Variants in ADGRB3 observed in about 807,000 individuals in gnomAD.
The protein encoded by ADGRB3 is brain-specific angiogenesis inhibitor 3.
Under a neutral mutation model 193.4 loss-of-function variants are expected in ADGRB3, and 37 were observed. That is an observed-to-expected ratio of 0.19 (90% CI 0.15 to 0.25). The LOEUF is 0.25. Ranked by LOEUF, ADGRB3 falls within the 10% of genes least tolerant of loss-of-function variation. The pLI is 1.00. For missense variants in ADGRB3, 1,637 were observed against 1,852.9 expected (o/e 0.88, Z 2.14); for synonymous variants, 690 against 644.2 (o/e 1.07, Z -1.08).
At chr6:69,090,307 G>A (rs748746356) in intron 17 of ADGRB3, among the ~76,000 whole-genome samples, 5 of 152,126 alleles carry the variant, frequency 3.3e-5, no homozygotes, top group Non-Finnish European at 7.4e-5. Flanking sequence ...AGCCTGTTTG[G>A]AAACTTGGCT....
chr6:69,078,523 A>C (rs1391861390), intron 17 of ADGRB3, among the ~76,000 whole-genome samples: 2 of 152,040 alleles, frequency 1.3e-5, no homozygotes, highest in African/African-American at 4.8e-5. Flanking sequence ...ATCTTGGAAA[A>C]TTTATTTTAC....
chr6:68,824,124 C>G (rs1051933219), intron 3 of ADGRB3, among the ~76,000 whole-genome samples: 1 of 152,028 alleles, frequency 6.6e-6, no homozygotes, highest in Non-Finnish European at 1.5e-5. Flanking sequence ...TCTATTTTCA[C>G]TTTGAATATG....
intron 3 of ADGRB3, among the ~76,000 whole-genome samples, chr6:68,706,851 C>T (rs1582136890): frequency 6.6e-6 from 1 of 152,092 alleles, no homozygotes; most frequent in African/African-American, 2.4e-5. Flanking sequence ...GTGGCTCACG[C>T]CTATAATCCC....
chr6:68,781,905 G>A (rs1766861008), intron 3 of ADGRB3, among the ~76,000 whole-genome samples: 1 of 152,048 alleles, frequency 6.6e-6, no homozygotes, highest in African/African-American at 2.4e-5. Flanking sequence ...GCGAAAGAAG[G>A]GAAGTGTAGG....
At chr6:68,991,658 C>A (rs1769241966) in intron 10 of ADGRB3, among the ~76,000 whole-genome samples, 1 of 151,738 alleles carries the variant, frequency 6.6e-6, no homozygotes, top group Non-Finnish European at 1.5e-5. Flanking sequence ...GCCACTAGAG[C>A]ACAGCAAATG....
Position 69,160,359 on chromosome 6 carries a change from C to G in ADGRB3, c.2481-72931C>G, listed in dbSNP as rs145110438. Among the ~76,000 whole-genome samples, 77 of 152,164 alleles carry G rather than the reference C, an allele frequency of 5.1e-4. 1 individual carries two copies. Among genetic ancestry groups the G allele is most frequent in the African/African-American group, 1.8e-3 (74 of 41,538 alleles). Reference sequence around the variant, plus strand: ...TACCCCTTCACTCACTCAACTCAAGCCACACATGTCTCTTGGATATTCCTC... The same window carrying G: ...TACCCCTTCACTCACTCAACTCAAGGCACACATGTCTCTTGGATATTCCTC... On this transcript the variant is annotated intron_variant, in intron 17 of 31. Transcript: ENST00000370598.
intron 17 of ADGRB3, among the ~76,000 whole-genome samples, chr6:69,128,812 T>C (rs1773923646): frequency 6.6e-6 from 1 of 152,130 alleles, no homozygotes; most frequent in African/African-American, 2.4e-5. Flanking sequence ...TAACTATAAT[T>C]CCCATGTTCC....
intron 27 of ADGRB3, among the ~76,000 whole-genome samples, chr6:69,354,581 C>T (rs1048955403): frequency 6.6e-6 from 1 of 152,068 alleles, no homozygotes; most frequent in Non-Finnish European, 1.5e-5. Context: ...TTCCTCCTTG[C>T]GTAGAATTAG....
intron 3 of ADGRB3, among the ~76,000 whole-genome samples, chr6:68,719,804 A>G (rs2127323180): frequency 6.6e-6 from 1 of 151,776 alleles, no homozygotes; most frequent in South Asian, 2.1e-4. Context: ...TGATACCAAG[A>G]TAAAGTGAAA....
chr6:68,690,240 A>G (rs1210231701), intron 3 of ADGRB3, among the ~76,000 whole-genome samples: 1 of 152,102 alleles, frequency 6.6e-6, no homozygotes, highest in East Asian at 1.9e-4. Context: ...TGCTGAGAAC[A>G]ATTTATAGGA....
chr6:69,120,188 C>T (rs1049848997), intron 17 of ADGRB3, among the ~76,000 whole-genome samples: 4 of 152,274 alleles, frequency 2.6e-5, no homozygotes, highest in East Asian at 3.9e-4. Context: ...AGTTCTGCAT[C>T]GCTTCTTTAA....
intron 3 of ADGRB3, among the ~76,000 whole-genome samples, chr6:68,827,630 A>G (rs2127382617): frequency 6.6e-6 from 1 of 152,146 alleles, no homozygotes; most frequent in Non-Finnish European, 1.5e-5. Context: ...AAGAGAGCTT[A>G]GGATTTAAAA....
chr6:68,673,405 A>C (rs1213325453), intron 3 of ADGRB3, among the ~76,000 whole-genome samples: 3 of 152,140 alleles, frequency 2.0e-5, no homozygotes, highest in African/African-American at 7.2e-5. Context: ...TATGTACAGC[A>C]GTGTGTGGTA....
chr6:68,904,077 G>A (rs1166632449), intron 3 of ADGRB3, among the ~76,000 whole-genome samples: 3 of 132,356 alleles, frequency 2.3e-5, no homozygotes, highest in Non-Finnish European at 3.3e-5. Context: ...GAAGGAGGGA[G>A]GGCTGGAGGG....
At chr6:69,057,260 GAATTTGTTCTTT>G (rs1771571445) in intron 15 of ADGRB3, among the ~76,000 whole-genome samples, 1 of 152,024 alleles carries the variant, frequency 6.6e-6, no homozygotes. Context: ...CAACTTCACT[GAATTTGTTCTTT>G]AATTATAACA....
intron 3 of ADGRB3, among the ~76,000 whole-genome samples, chr6:68,742,820 A>C (rs142478118): frequency 6.6e-6 from 1 of 152,114 alleles, no homozygotes; most frequent in East Asian, 1.9e-4. Context: ...AATGGTGTGA[A>C]CATTAAAACA....
intron 17 of ADGRB3, among the ~76,000 whole-genome samples, chr6:69,212,382 T>C (rs1260949890): frequency 2.6e-5 from 4 of 152,182 alleles, no homozygotes; most frequent in Non-Finnish European, 4.4e-5. Context: ...CAGACCGCAC[T>C]ATCGAGTTCC....
At chr6:69,001,926 T>TGA (rs1769590370) in intron 11 of ADGRB3, among the ~76,000 whole-genome samples, 3 of 152,354 alleles carry the variant, frequency 2.0e-5, no homozygotes, top group African/African-American at 7.2e-5. Context: ...CCTCACTCTG[T>TGA]GTAATAATAC....
intron 17 of ADGRB3, among the ~76,000 whole-genome samples, chr6:69,149,928 G>C (rs1219899974): frequency 3.0e-5 from 2 of 66,362 alleles, no homozygotes; most frequent in South Asian, 4.0e-4. Context: ...GTCTTTCTGT[G>C]TGTGTGTGTG....
Sources: allele counts gnomAD v4.1 joint callset (sites outside exome capture counted in the v4.1 genomes callset), GRCh38; gene constraint gnomAD v4.1.1; transcripts MANE v1.5; gene names NCBI Gene and HGNC (gene_info 2026-07-23, HGNC 2026-07-21).